The following CPS1 variants were observed in gnomAD, a reference collection of about 807,000 sequenced individuals.
The protein encoded by CPS1 is carbamoyl-phosphate synthase [ammonia], mitochondrial.
A neutral mutation model predicts 174.6 loss-of-function variants in CPS1; 109 were observed. That is an observed-to-expected ratio of 0.62 (90% CI 0.53 to 0.73). The LOEUF is 0.73. Among genes scored for constraint, CPS1 ranks in the 30% least tolerant of loss-of-function variants. The pLI, the probability that CPS1 is intolerant of heterozygous loss-of-function variation, is 0.00. For missense variants in CPS1, 1,689 were observed against 1,821.9 expected, an observed-to-expected ratio of 0.93 and a Z score of 1.33; for synonymous variants, 637 against 632.0, an observed-to-expected ratio of 1.01 and a Z score of -0.12.
intron 1 of CPS1, among the ~76,000 whole-genome samples, chr2:210,523,472 T>C (rs754273659): frequency 4.6e-5 from 7 of 151,972 alleles, no homozygotes; most frequent in Non-Finnish European, 7.4e-5. Flanking sequence ...TGCTAAACAA[T>C]TTCTCCTCTC....
chr2:210,554,222 C>CAT (rs1202823322), upstream of CPS1, among the ~76,000 whole-genome samples: 78 of 134,962 alleles, frequency 5.8e-4, 2 homozygotes, highest in African/African-American at 2.3e-3. Flanking sequence ...TATATACACA[C>CAT]ACATATATAT....
chr2:210,582,560 T>C, intron 5 of CPS1, 57 bp from the exon 6 acceptor site: 3 of 1,324,706 alleles, frequency 2.3e-6, no homozygotes, highest in Non-Finnish European at 3.3e-6. Context: ...TGAGTTTATC[T>C]TGTCAACACC....
At chr2:210,672,111 G>T (rs868841068) in intron 34 of CPS1, 1 of 152,108 alleles carries the variant, frequency 6.6e-6, no homozygotes, top group Non-Finnish European at 1.5e-5. Context: ...TAGATCTGGG[G>T]TGGGGTTCAA....
chr2:210,608,140 A>G (rs1382481734), intron 18 of CPS1, among the ~76,000 whole-genome samples: 1 of 151,898 alleles, frequency 6.6e-6, no homozygotes. Context: ...CATGTAGTGC[A>G]CAGAGAGTAA....
rs16844641 is a variant in CPS1 at position 210,592,732 on chromosome 2, A to G, written c.1087-147A>G. ...AGTCCTTAAGATATCGGACCATGTT[A>G]CTTAATAGTACTGTTAGTTACAAAA... On this transcript the variant is annotated intron_variant, in intron 10 of 37. Coordinates refer to ENST00000233072, the MANE Select transcript of CPS1 (RefSeq NM_001875.5). 17,624 of 731,434 alleles carry G rather than the reference A, an allele frequency of 0.024. 1,294 individuals are homozygous for G. The highest frequency in any genetic ancestry group is 0.17 in the Admixed American group (8,474 of 50,544). The allele number at this position is 731,434 out of a possible 1,614,324, so 45.3% of individuals were successfully genotyped here.
intron 1 of CPS1, among the ~76,000 whole-genome samples, chr2:210,484,722 C>T (rs973941121): frequency 1.3e-5 from 2 of 152,112 alleles, no homozygotes; most frequent in African/African-American, 4.8e-5. Context: ...TCCCTAAATT[C>T]TGTATTCTCA....
intron 1 of CPS1, among the ~76,000 whole-genome samples, chr2:210,491,995 G>A (rs1694887775): frequency 1.3e-5 from 2 of 152,170 alleles, no homozygotes; most frequent in Non-Finnish European, 2.9e-5. Flanking sequence ...CTATTGTAAG[G>A]GAGTTGCTAG....
At chr2:210,596,106 G>A (rs79318518) in intron 13 of CPS1, among the ~76,000 whole-genome samples, 3,199 of 151,906 alleles carry the variant, frequency 0.021, 96 homozygotes, top group Middle Eastern at 0.068. Context: ...CCTGGGAAAC[G>A]GGATGATATG....
At chr2:210,491,705 T>G (rs879857814) in intron 1 of CPS1, among the ~76,000 whole-genome samples, 1 of 152,150 alleles carries the variant, frequency 6.6e-6, no homozygotes, top group Non-Finnish European at 1.5e-5. Flanking sequence ...TTCTACCTCT[T>G]GGCCCCTAAG....
chr2:210,667,476 A>G (rs1477510640), intron 33 of CPS1, among the ~76,000 whole-genome samples: 1 of 152,174 alleles, frequency 6.6e-6, no homozygotes, highest in African/African-American at 2.4e-5. Context: ...ATATTGTAGC[A>G]CAATTACCGT....
intron 1 of CPS1, among the ~76,000 whole-genome samples, chr2:210,485,231 CA>C (rs753781683): frequency 0.021 from 1,939 of 94,156 alleles, 40 homozygotes; most frequent in African/African-American, 0.058. Context: ...GACTACATCT[CA>C]AAAAAAAAAA....
At chr2:210,480,422 T>C (rs1348616536) in intron 1 of CPS1, among the ~76,000 whole-genome samples, 1 of 152,196 alleles carries the variant, frequency 6.6e-6, no homozygotes, top group Non-Finnish European at 1.5e-5. Context: ...TGTCCTCCAA[T>C]ACATGATGGC....
At chr2:210,562,258 A>T (rs1398740344) in intron 1 of CPS1, among the ~76,000 whole-genome samples, 2 of 152,168 alleles carry the variant, frequency 1.3e-5, no homozygotes, top group African/African-American at 4.8e-5. Flanking sequence ...TAACCTTTTG[A>T]TTTTGTCCCC....
rs1339275605 is a variant in CPS1, at chr2:210,637,753, A to G, written c.2739A>G (p.Ser913=). 1 of 1,614,050 alleles carries G rather than the reference A, an allele frequency of 6.2e-7. No homozygotes were observed. The highest frequency in any genetic ancestry group is 1.7e-5 in the Admixed American group (1 of 60,026). Reference sequence around the variant, plus strand: ...AAAGGGCAAAGGAGATTGGGTTCTCAGATAAGCAGATTTCAAAATGCCTTG... The same window carrying G: ...AAAGGGCAAAGGAGATTGGGTTCTCGGATAAGCAGATTTCAAAATGCCTTG... ...TLKRAKEIGF[S]DKQISKCLGL... The change falls in exon 22 of 38, where the codon TCA becomes TCG. Residue 913 remains serine, a synonymous_variant. Coordinates refer to ENST00000233072, the MANE Select transcript of CPS1 (RefSeq NM_001875.5).
intron 1 of CPS1, among the ~76,000 whole-genome samples, chr2:210,499,843 C>T (rs533630400): frequency 7.2e-5 from 11 of 152,210 alleles, no homozygotes; most frequent in African/African-American, 2.2e-4. Flanking sequence ...TGTTTGCCCA[C>T]GTTCTTCTCC....
chr2:210,576,570 A>C (rs1244150895), intron 3 of CPS1, 80 bp downstream of exon 3: 1 of 1,491,192 alleles, frequency 6.7e-7, no homozygotes, highest in African/African-American at 1.4e-5. Flanking sequence ...AGGATGGCCA[A>C]ACTTTCTTCC....
intron 16 of CPS1, among the ~76,000 whole-genome samples, 168 bp downstream of exon 16, chr2:210,602,498 G>A (rs1424133160): frequency 6.6e-6 from 1 of 151,944 alleles, no homozygotes; most frequent in Non-Finnish European, 1.5e-5. Flanking sequence ...AGAGCATGCA[G>A]TGCAACTCTT....
chr2:210,648,939 A>G (rs1700472215), intron 27 of CPS1, among the ~76,000 whole-genome samples: 1 of 152,222 alleles, frequency 6.6e-6, no homozygotes, highest in Non-Finnish European at 1.5e-5. Flanking sequence ...CCTTTGTTTT[A>G]AAATTTTCAG....
In CPS1 at chr2:210,677,877, A is replaced by G; in HGVS notation, c.4405-10A>G. Reference sequence around the variant, plus strand: ...ATGGAGGGTGCTGATTCCTACCATTATATTTTCAGGTGACCAAACTTTTTG... The same window carrying G: ...ATGGAGGGTGCTGATTCCTACCATTGTATTTTCAGGTGACCAAACTTTTTG... On this transcript the variant is annotated splice_polypyrimidine_tract_variant and intron_variant, in intron 37 of 37. Transcript: ENST00000233072. The G allele has an allele frequency of 6.8e-6, 11 of 1,606,318 alleles. No individual in the cohort carries two copies. The highest frequency in any genetic ancestry group is 9.4e-6 in the Non-Finnish European group (11 of 1,172,862).
Sources: allele counts gnomAD v4.1 joint callset (sites outside exome capture counted in the v4.1 genomes callset), GRCh38; gene constraint gnomAD v4.1.1; transcripts MANE v1.5; gene names NCBI Gene and HGNC (gene_info 2026-07-23, HGNC 2026-07-21).